Variants in ROBO2 observed in about 807,000 individuals in gnomAD.
ROBO2 encodes the protein roundabout guidance receptor 2, also known as roundabout homolog 2.
Under a neutral mutation model 160.8 loss-of-function variants are expected in ROBO2, and 53 were observed. That is an observed-to-expected ratio of 0.33 (90% CI 0.26 to 0.41). The LOEUF (loss-of-function observed/expected upper bound fraction) is 0.41, where lower values mean the gene tolerates loss of function less well. ROBO2 is among the 10% of genes least tolerant of loss of function. The pLI, the probability that ROBO2 is intolerant of heterozygous loss-of-function variation, is 1.00. For synonymous variants in ROBO2, 664 were observed against 611.7 expected (o/e 1.09, Z -1.26); for missense variants, 1,577 against 1,722.4 (o/e 0.92, Z 1.49).
intron 2 of ROBO2, among the ~76,000 whole-genome samples, chr3:76,355,786 T>G (rs1167780036): frequency 2.0e-5 from 3 of 151,772 alleles, no homozygotes; most frequent in Non-Finnish European, 2.9e-5. Flanking sequence ...AGCTACGATT[T>G]TTTTGGTGAT....
chr3:77,189,121 C>A (rs1048045685), intron 2 of ROBO2, among the ~76,000 whole-genome samples: 2 of 151,760 alleles, frequency 1.3e-5, no homozygotes, highest in African/African-American at 2.4e-5. Flanking sequence ...TGAATTAGAA[C>A]CCTTCTCACA....
chr3:75,978,814 T>A (rs114118935), intron 2 of ROBO2, among the ~76,000 whole-genome samples: 1,693 of 151,654 alleles, frequency 0.011, 22 homozygotes, highest in Middle Eastern at 0.02. Context: ...TACAAACTTA[T>A]GACATCTTAT....
At chr3:76,363,559 A>T (rs1166096975) in intron 2 of ROBO2, among the ~76,000 whole-genome samples, 3 of 152,120 alleles carry the variant, frequency 2.0e-5, no homozygotes, top group African/African-American at 7.2e-5. Flanking sequence ...CCTAGTTTCC[A>T]GGACTCTGAA....
intron 2 of ROBO2, among the ~76,000 whole-genome samples, chr3:77,321,781 T>G (rs561738425): frequency 6.6e-6 from 1 of 152,050 alleles, no homozygotes; most frequent in African/African-American, 2.4e-5. Context: ...AAGCGGCAAG[T>G]GAACCGAGAA....
At chr3:77,399,924 C>T (rs546829437) in intron 2 of ROBO2, among the ~76,000 whole-genome samples, 2 of 152,104 alleles carry the variant, frequency 1.3e-5, no homozygotes, top group South Asian at 4.1e-4. Context: ...CAGCTTGACA[C>T]TATGATGCAG....
intron 2 of ROBO2, among the ~76,000 whole-genome samples, chr3:75,981,584 CTG>C (rs10537353): frequency 0.77 from 116,326 of 150,616 alleles, 46,091 homozygotes; most frequent in East Asian, 0.97. Context: ...CTGTAACAAA[CTG>C]TAATATAAAA....
At chr3:76,614,640 A>G (rs2088421084) in intron 2 of ROBO2, among the ~76,000 whole-genome samples, 1 of 152,150 alleles carries the variant, frequency 6.6e-6, no homozygotes. Flanking sequence ...CATTTCAATA[A>G]CTAATGTTTG....
At chr3:77,561,464 T>A (rs888202248) in intron 9 of ROBO2, among the ~76,000 whole-genome samples, 1 of 152,174 alleles carries the variant, frequency 6.6e-6, no homozygotes, top group African/African-American at 2.4e-5. Context: ...GTTGCCTCTT[T>A]TATTGATCTT....
At position 76,729,235 on chromosome 3, in the gene ROBO2, CTTT is replaced by C. The variant is rs3041236; in HGVS notation, c.110-368769_110-368767del. Reference sequence around the variant, plus strand: ...GTGACTGTACTACCAGAGTAACTGTCTTTTTTTTTTTTAACACAAATAAATAAA... The same window carrying C: ...GTGACTGTACTACCAGAGTAACTGTCTTTTTTTTTAACACAAATAAATAAA... On this transcript the variant is annotated intron_variant, in intron 2 of 26. Transcript: ENST00000487694. Among the ~76,000 whole-genome samples the C allele has an allele frequency of 1.8e-3, 279 of 151,148 alleles. 1 individual carries two copies. Among genetic ancestry groups the C allele is most frequent in the South Asian group, 0.013 (62 of 4,772 alleles).
At chr3:75,925,886 A>G (rs1411558193) in intron 1 of ROBO2, among the ~76,000 whole-genome samples, 1 of 152,208 alleles carries the variant, frequency 6.6e-6, no homozygotes, top group Non-Finnish European at 1.5e-5. Context: ...ACCAAGTAGG[A>G]TTGCAAAAGA....
intron 2 of ROBO2, among the ~76,000 whole-genome samples, chr3:75,941,673 TC>T (rs1948060695): frequency 6.6e-6 from 1 of 152,154 alleles, no homozygotes; most frequent in Non-Finnish European, 1.5e-5. Context: ...AGATTTTGGG[TC>T]AGCTATTAAG....
At chr3:77,627,848 G>C (rs2095063646) in intron 23 of ROBO2, among the ~76,000 whole-genome samples, 1 of 152,078 alleles carries the variant, frequency 6.6e-6, no homozygotes. Flanking sequence ...CAATTAGCAG[G>C]GTCATCTTAT....
chr3:77,268,623 C>A (rs1009132310), intron 2 of ROBO2, among the ~76,000 whole-genome samples: 1 of 152,176 alleles, frequency 6.6e-6, no homozygotes, highest in Non-Finnish European at 1.5e-5. Context: ...AGTACAATTT[C>A]TCTAATATTA....
At chr3:77,410,759 CTCCTCCTCCTCTTCCTCT>C (rs1327668870) in intron 2 of ROBO2, among the ~76,000 whole-genome samples, 11 of 145,034 alleles carry the variant, frequency 7.6e-5, no homozygotes, top group African/African-American at 2.8e-4. Context: ...CCTCCTCTTC[CTCCTCCTCCTCTTCCTCT>C]TCCTCCTCCT....
chr3:76,159,022 A>G (rs1274094540), intron 2 of ROBO2, among the ~76,000 whole-genome samples: 1 of 152,182 alleles, frequency 6.6e-6, no homozygotes, highest in African/African-American at 2.4e-5. Flanking sequence ...GGGTATTTAA[A>G]CCATTGCTCC....
chr3:76,563,949 A>G (rs2084357098), intron 2 of ROBO2, among the ~76,000 whole-genome samples: 1 of 152,216 alleles, frequency 6.6e-6, no homozygotes, highest in Admixed American at 6.5e-5. Context: ...CTCTTGCCTG[A>G]AATCTCAGCA....
In ROBO2 at chr3:76,512,443, C is replaced by T. The variant is rs376284255; in HGVS notation, c.109+574841C>T. Among the ~76,000 whole-genome samples, 50 of 151,918 alleles carry T rather than the reference C, an allele frequency of 3.3e-4. 2 individuals carry two copies. The highest frequency in any genetic ancestry group is 2.5e-3 in the South Asian group (12 of 4,822). The stretch of plus-strand genomic sequence containing the variant: ...TTAACAGCAGATACAGGTATTCTGG[C>T]GATGCTACTGTGCTGTTAGTTACTC... On this transcript the variant is annotated intron_variant, in intron 2 of 26. Coordinates refer to the ROBO2 transcript ENST00000487694.
intron 2 of ROBO2, among the ~76,000 whole-genome samples, chr3:76,401,792 G>T (rs2077834883): frequency 6.6e-6 from 1 of 151,102 alleles, no homozygotes; most frequent in Admixed American, 6.6e-5. Flanking sequence ...TAAATAAATT[G>T]AATAGAATAA....
intron 2 of ROBO2, among the ~76,000 whole-genome samples, chr3:77,402,285 T>G (rs7615402): frequency 0.64 from 96,662 of 151,674 alleles, 31,970 homozygotes; most frequent in African/African-American, 0.82. Flanking sequence ...GGGGCCTGTC[T>G]GGAGTGGGGT....
Sources: gnomAD v4.1 joint callset for allele counts (sites outside exome capture counted in the v4.1 genomes callset) on GRCh38, gnomAD v4.1.1 for gene constraint, MANE v1.5 for transcripts, NCBI Gene and HGNC (gene_info 2026-07-23, HGNC 2026-07-21) for gene names.